Variants in MAP4K3 observed in about 807,000 individuals in gnomAD.
The protein encoded by MAP4K3 is MAPK/ERK kinase kinase kinase 3.
In MAP4K3, 94 loss-of-function variants were observed where a neutral mutation model predicts 143.5. That is an observed-to-expected ratio of 0.65 (90% CI 0.55 to 0.78). The LOEUF (loss-of-function observed/expected upper bound fraction) is 0.78, where lower values mean the gene tolerates loss of function less well. MAP4K3 is among the 30% of genes least tolerant of loss of function. The pLI is 0.00. For synonymous variants in MAP4K3, 416 were observed against 347.2 expected (o/e 1.20, Z -2.20); for missense variants, 1,077 against 1,068.1 (o/e 1.01, Z -0.12).
intron 12 of MAP4K3, among the ~76,000 whole-genome samples, chr2:39,317,042 T>C (rs554998721): frequency 1.2e-3 from 179 of 152,178 alleles, no homozygotes; most frequent in Non-Finnish European, 9.0e-4. Flanking sequence ...CAAGAGAGAA[T>C]GGTACTGGTA....
At chr2:39,375,760 C>G (rs1307186048) in intron 2 of MAP4K3, among the ~76,000 whole-genome samples, 2 of 152,178 alleles carry the variant, frequency 1.3e-5, no homozygotes, top group Non-Finnish European at 2.9e-5. Flanking sequence ...TGTTAGTCCA[C>G]CTCGTCCCCA....
chr2:39,260,888 A>T, intron 28 of MAP4K3, 111 bp from the exon 29 acceptor site: 1 of 711,136 alleles, frequency 1.4e-6, no homozygotes, highest in Non-Finnish European at 2.3e-6. Context: ...TGTCACAGAA[A>T]TTCAGGTAAT....
In MAP4K3 at chr2:39,309,560, T is replaced by G. The variant is rs762084833; in HGVS notation, c.998-41A>C. On this transcript the variant is annotated intron_variant, in intron 13 of 33. Coordinates refer to ENST00000263881, the MANE Select transcript of MAP4K3 (RefSeq NM_003618.4). Reference sequence around the variant, plus strand: ...AAGTAAAACCAGGATTTTTTTTTTTTTTTTTTTTTTTTTTTGAGGCAGAGT... The same window carrying G: ...AAGTAAAACCAGGATTTTTTTTTTTGTTTTTTTTTTTTTTTGAGGCAGAGT... 2.2e-5 allele frequency: 27 copies of G among 1,239,444 alleles called. No individual in the cohort carries two copies. The African/African-American group carries it at 4.4e-4, about 20-fold the overall frequency. 76.8% of individuals were successfully genotyped at this position (1,239,444 alleles called of 1,614,324 possible).
chr2:39,254,137 G>C (rs1680254983), intron 32 of MAP4K3, among the ~76,000 whole-genome samples: 1 of 152,208 alleles, frequency 6.6e-6, no homozygotes, highest in African/African-American at 2.4e-5. Context: ...TAGCACTCTT[G>C]CTCCTGGGGT....
At chr2:39,403,113 CAGAA>C (rs1666992926) in intron 1 of MAP4K3, among the ~76,000 whole-genome samples, 1 of 152,190 alleles carries the variant, frequency 6.6e-6, no homozygotes, top group Admixed American at 6.5e-5. Context: ...CCACCAAACA[CAGAA>C]GGAAGAAAAT....
intron 3 of MAP4K3, among the ~76,000 whole-genome samples, chr2:39,351,661 A>C (rs955972975): frequency 1.3e-5 from 2 of 152,100 alleles, no homozygotes; most frequent in African/African-American, 4.8e-5. Context: ...TGTACTTCAA[A>C]GGTTTATTTA....
At chr2:39,394,080 A>G (rs1666740173) in intron 1 of MAP4K3, among the ~76,000 whole-genome samples, 1 of 152,206 alleles carries the variant, frequency 6.6e-6, no homozygotes, top group Non-Finnish European at 1.5e-5. Context: ...ACACCTAGCA[A>G]TATTAGAAAC....
chr2:39,282,418 G>C, intron 22 of MAP4K3, 95 bp downstream of exon 22: 1 of 990,838 alleles, frequency 1.0e-6, no homozygotes, highest in Non-Finnish European at 1.6e-6. Context: ...CAATAATAAT[G>C]AAAGTTCTTT....
chr2:39,404,480 G>A (rs955191055), intron 1 of MAP4K3, among the ~76,000 whole-genome samples: 30 of 152,008 alleles, frequency 2.0e-4, no homozygotes, highest in African/African-American at 6.8e-4. Flanking sequence ...TGGCCAATGC[G>A]TGAGGCTCCT....
At chr2:39,295,267 G>C (rs1682224820) in intron 16 of MAP4K3, among the ~76,000 whole-genome samples, 1 of 151,952 alleles carries the variant, frequency 6.6e-6, no homozygotes, top group Non-Finnish European at 1.5e-5. Flanking sequence ...GCTGGCATTT[G>C]AGTTGGTCCT....
intron 1 of MAP4K3, among the ~76,000 whole-genome samples, chr2:39,385,475 G>A (rs1666472236): frequency 6.7e-6 from 1 of 148,562 alleles, no homozygotes; most frequent in African/African-American, 2.5e-5. Flanking sequence ...GCCATCCTTT[G>A]ATGAACTGTT....
Position 39,323,547 on chromosome 2 carries a change from C to G in MAP4K3, c.918+1971G>C, listed in dbSNP as rs537765117. The G allele has an allele frequency of 1.6e-3, 238 of 152,222 alleles. 3 individuals are homozygous for G. Among genetic ancestry groups the G allele is most frequent in the African/African-American group, 5.6e-3 (231 of 41,548 alleles). 9.4% of individuals were successfully genotyped at this position (152,222 alleles called of 1,614,324 possible). ...TACATCATGGTTCAAATAACAGTTA[C>G]CACTGTATATTAATTGAAATTGCAT... On this transcript the variant is annotated intron_variant, in intron 12 of 33. Coordinates refer to ENST00000263881, the MANE Select transcript of MAP4K3 (RefSeq NM_003618.4).
At position 39,272,471 on chromosome 2, in the gene MAP4K3, A is replaced by G; in HGVS notation, c.1855+11T>C. ...AACAATTGTAAGGTATTTAAAAACT[A>G]ATATACTTACCAGATATTGATAGCA... On this transcript the variant is annotated intron_variant, in intron 25 of 33. Transcript: ENST00000263881. 1.2e-6 allele frequency: 2 copies of G among 1,608,704 alleles called. No individual in the cohort carries two copies. The highest frequency in any genetic ancestry group is 1.1e-5 in the South Asian group (1 of 90,930).
chr2:39,433,621 C>T (rs1290857130), intron 1 of MAP4K3, among the ~76,000 whole-genome samples: 1 of 151,926 alleles, frequency 6.6e-6, no homozygotes, highest in Non-Finnish European at 1.5e-5. Flanking sequence ...ATGCTATAAC[C>T]CATCTCCACA....
At chr2:39,290,430 C>T in intron 18 of MAP4K3, 96 bp from the exon 19 acceptor site, 1 of 739,848 alleles carries the variant, frequency 1.4e-6, no homozygotes, top group Non-Finnish European at 2.2e-6. Flanking sequence ...AAAAAAGCTG[C>T]AAAGACAAAT....
chr2:39,270,386 T>C (rs1207014685), intron 26 of MAP4K3, among the ~76,000 whole-genome samples: 2 of 152,218 alleles, frequency 1.3e-5, no homozygotes, highest in South Asian at 4.1e-4. Flanking sequence ...ACTGGAATTC[T>C]AAATTAACTG....
intron 6 of MAP4K3, among the ~76,000 whole-genome samples, chr2:39,333,996 TG>T (rs1310691560): frequency 1.4e-5 from 2 of 146,094 alleles, no homozygotes; most frequent in African/African-American, 5.4e-5. Flanking sequence ...TGTGTGTGTG[TG>T]TGTTTTTAAA....
intron 18 of MAP4K3, among the ~76,000 whole-genome samples, chr2:39,290,676 G>A (rs911753081): frequency 6.6e-6 from 1 of 152,144 alleles, no homozygotes; most frequent in African/African-American, 2.4e-5. Context: ...AAAAGGGGAC[G>A]AAAGGGAGAG....
At chr2:39,318,226 T>C (rs529432988) in intron 12 of MAP4K3, among the ~76,000 whole-genome samples, 13 of 151,832 alleles carry the variant, frequency 8.6e-5, no homozygotes, top group African/African-American at 1.2e-4. Context: ...AAGGGAACAA[T>C]AGACATAGGG....
Sources: gnomAD v4.1 joint callset for allele counts (sites outside exome capture counted in the v4.1 genomes callset) on GRCh38, gnomAD v4.1.1 for gene constraint, MANE v1.5 for transcripts, NCBI Gene and HGNC (gene_info 2026-07-23, HGNC 2026-07-21) for gene names.